The following ARSL variants were observed in gnomAD, a reference collection of about 807,000 sequenced individuals.
The protein encoded by ARSL is arylsulfatase L, also known as arylsulfatase E (chondrodysplasia punctata 1).
In ARSL, 4 loss-of-function variants were observed where a neutral mutation model predicts 31.1. The ratio of observed to expected loss-of-function variants is 0.13; its 90% CI spans 0.06 to 0.29. The LOEUF (loss-of-function observed/expected upper bound fraction) is 0.29, where lower values mean the gene tolerates loss of function less well. Ranked by LOEUF, ARSL falls within the 10% of genes least tolerant of loss-of-function variation. ARSL has a pLI of 1.00. For missense variants in ARSL, 312 were observed against 497.8 expected, an observed-to-expected ratio of 0.63 and a Z score of 3.55; for synonymous variants, 198 against 209.9, an observed-to-expected ratio of 0.94 and a Z score of 0.49.
intron 7 of ARSL, 33 bp downstream of exon 7, chrX:2,945,965 G>A (rs781283939): frequency 1.7e-6 from 2 of 1,208,792 alleles, no homozygotes; most frequent in Admixed American, 4.4e-5. Context: ...TGCTGGAAGG[G>A]AAGCAGCCCA....
At chrX:2,959,516 T>C (rs1603462390) in intron 2 of ARSL, 12 of 1,067,143 alleles carry the variant, frequency 1.1e-5, no homozygotes, top group African/African-American at 1.9e-5. Flanking sequence ...AAAGATGTAA[T>C]CTGAGTCTCC....
chrX:2,964,802 C>T (rs1474127352), upstream of ARSL, among the ~76,000 whole-genome samples: 4 of 111,414 alleles, frequency 3.6e-5, no homozygotes, highest in African/African-American at 1.3e-4. Context: ...GATGCTGTCT[C>T]TTCAAAAATA....
Position 2,934,782 on chromosome X carries a change from T to C in ARSL, c.*50A>G, listed in dbSNP as rs761662093. 8.8e-7 allele frequency: 1 copy of C among 1,134,333 alleles called. No individual in the cohort carries two copies. The highest frequency in any genetic ancestry group is 2.3e-5 in the Admixed American group (1 of 43,405). The allele number at this position is 1,134,333 out of a possible 1,213,427, so 93.5% of individuals were successfully genotyped here. A position where few individuals can be genotyped will look rare whatever the true frequency, so the allele number is the denominator to read the frequency against. On this transcript the variant is annotated 3_prime_UTR_variant, in exon 11 of 11. Transcript: ENST00000381134. ...CCATGGCCAGCTGGTTTGTTTCAAT[T>C]TGAGTGACAAAATTTAGGAATCGGG...
rs1187940227 is a variant in ARSL, at chrX:2,943,094, T to G, written c.1097A>C (p.Gln366Pro). The change falls in exon 8 of 11, where the codon CAG (glutamine) becomes CCG (proline). Residue 366 changes from glutamine to proline, a missense_variant. Gln to Pro is a moderately conservative substitution (Grantham distance 76). Transcript: ENST00000381134. ...GSLENQLGNT[Q>P]YGGWNGIYKG... ...ATAAATTCCATTCCAGCCACCATAC[T>G]GGGTGTTTCCAAGTTGATTCTCTAG... is the stretch of plus-strand genomic sequence containing the variant. The G allele has an allele frequency of 3.3e-6, 4 of 1,211,386 alleles. No individual in the cohort carries two copies.
chrX:2,961,992 T>A (rs908647216), intron 1 of ARSL, among the ~76,000 whole-genome samples: 1 of 110,114 alleles, frequency 9.1e-6, no homozygotes, highest in Non-Finnish European at 1.9e-5. Flanking sequence ...GTGATTCTCC[T>A]GCCTCAGCCT....
chrX:2,935,698 T>C (rs2089190155), intron 10 of ARSL, among the ~76,000 whole-genome samples: 1 of 106,130 alleles, frequency 9.4e-6, no homozygotes, highest in Admixed American at 1.0e-4. Context: ...TTTTCTTTTT[T>C]TTTTTTTTTA....
intron 7 of ARSL, 25 bp from the exon 8 acceptor site, chrX:2,943,224 G>C (rs377711047): frequency 1.3e-5 from 16 of 1,208,396 alleles, no homozygotes; most frequent in Non-Finnish European, 1.8e-5. Context: ...TGTTTTTGGG[G>C]CCGTCGAAAT....
rs1378703514 is a variant in ARSL at position 2,943,150 on chromosome X, G to T, written c.1041C>A (p.Leu347=). ...LDVEGLSNST[L]IYFTSDHGGS... is the part of the protein sequence containing the mutation. ...CGCCGTGATCCGACGTAAAATAAAT[G>T]AGGGTGCTGTTGCTCAAACCCTCCA... Residue 347 remains leucine, a synonymous_variant, in exon 8 of 11, where the codon CTC becomes CTA. Transcript: ENST00000381134. 4.1e-6 allele frequency: 5 copies of T among 1,209,280 alleles called. No homozygotes were observed. In the East Asian group the frequency reaches 1.5e-4, roughly 36 times the overall value.
Position 2,964,287 on chromosome X carries a change from G to A in ARSL, c.-84C>T, listed in dbSNP as rs1345494058. 1 of 752,360 alleles carries A rather than the reference G, an allele frequency of 1.3e-6. No homozygotes were observed. Among genetic ancestry groups the A allele is most frequent in the Non-Finnish European group, 1.6e-6 (1 of 639,139 alleles). 62.0% of individuals were successfully genotyped at this position (752,360 alleles called of 1,213,427 possible). On this transcript the variant is annotated 5_prime_UTR_variant, in exon 1 of 11. Coordinates refer to ENST00000381134, the MANE Select transcript of ARSL (RefSeq NM_000047.3). ...AGAGGAAGGTTCTCTCCCAAAGGAA[G>A]CAAGCGTGAAGGCAGAGAGCACTTG...
chrX:2,938,398 CTG>C (rs1555908507), intron 8 of ARSL, 141 bp from the exon 9 acceptor site: 53 of 879,157 alleles, frequency 6.0e-5, no homozygotes, highest in Non-Finnish European at 8.0e-5. Flanking sequence ...CTCTCTCTCT[CTG>C]TTTTAGTGAC....
At chrX:2,953,815 C>A (rs1339974582) in intron 4 of ARSL, among the ~76,000 whole-genome samples, 4 of 110,888 alleles carry the variant, frequency 3.6e-5, no homozygotes, top group Non-Finnish European at 5.7e-5. Flanking sequence ...AACTCCTGGG[C>A]TCAACTGATC....
chrX:2,949,614 C>T lies in ARSL; in HGVS notation c.544G>A (p.Ala182Thr), dbSNP rs376321827. The T allele has an allele frequency of 4.1e-5, 50 of 1,209,093 alleles. No homozygotes were observed. The highest frequency in any genetic ancestry group is 5.0e-5 in the Non-Finnish European group (45 of 895,085). Residue 182 changes from alanine to threonine, a missense_variant, in exon 6 of 11, where the codon GCC becomes ACC. Ala to Thr is a moderately conservative substitution (Grantham distance 58). Coordinates refer to ENST00000381134, the MANE Select transcript of ARSL (RefSeq NM_000047.3). ...GMPFSLMGDC[A>T]RWELSEKRVN... ...CGCTTCTCTGAGAGTTCCCAGCGGGCGCAATCACCCATCAAGGAGAAAGGC... is the reference window on the plus strand; with the variant it reads ...CGCTTCTCTGAGAGTTCCCAGCGGGTGCAATCACCCATCAAGGAGAAAGGC...
chrX:2,960,142 G>A (rs1292649966), intron 2 of ARSL, among the ~76,000 whole-genome samples: 10 of 87,091 alleles, frequency 1.1e-4, no homozygotes, highest in South Asian at 6.1e-4. Flanking sequence ...GGTGGCAGGC[G>A]CCTGTAGTCC....
At chrX:2,959,200 T>G (rs191639828) in intron 2 of ARSL, among the ~76,000 whole-genome samples, 2 of 111,081 alleles carry the variant, frequency 1.8e-5, no homozygotes. Context: ...TGGGGCAAGG[T>G]GAGAACACAG....
chrX:2,957,708 C>CAAAA (rs761423845), intron 3 of ARSL, among the ~76,000 whole-genome samples: 14 of 53,983 alleles, frequency 2.6e-4, no homozygotes, highest in South Asian at 8.4e-4. Context: ...GATTCTGTCT[C>CAAAA]AAAAAAAAAA....
At chrX:2,956,889 G>A (rs763282819) in intron 3 of ARSL, among the ~76,000 whole-genome samples, 1 of 110,010 alleles carries the variant, frequency 9.1e-6, no homozygotes, top group African/African-American at 3.3e-5. Flanking sequence ...TAGGATTACA[G>A]GTGCATGCCA....
rs1302702178 is a variant in ARSL at position 2,935,565 on chromosome X, T to C, written c.1412-375A>G. Among the ~76,000 whole-genome samples the C allele has an allele frequency of 5.3e-5, 6 of 112,196 alleles. No individual in the cohort carries two copies. The East Asian group carries it at 8.4e-4, about 16-fold the overall frequency. On this transcript the variant is annotated intron_variant, in intron 10 of 10. Transcript: ENST00000381134. ...GGAGAGTGACTGCTGATAGGAACAG[T>C]GTCTGCTTTTGGCGTGATGAAAATG...
chrX:2,935,688 TTTTC>T (rs756048142), intron 10 of ARSL, among the ~76,000 whole-genome samples: 26,629 of 81,282 alleles, frequency 0.33, 3,208 homozygotes, highest in East Asian at 0.61. Flanking sequence ...TTTTCTTTTC[TTTTC>T]TTTTTTTTTT....
In ARSL at chrX:2,954,520, T is replaced by C. The variant is rs754094156; in HGVS notation, c.307+896A>G. The stretch of plus-strand genomic sequence containing the variant: ...CATGTTGGTCAGGCTGGTCTTGAAC[T>C]CCTGACCTCAGGTGATCTGCCTGCC... On this transcript the variant is annotated intron_variant, in intron 4 of 10. Transcript: ENST00000381134. Among the ~76,000 whole-genome samples the C allele has an allele frequency of 1.0e-3, 114 of 112,008 alleles. 1 individual carries two copies. The highest frequency in any genetic ancestry group is 3.6e-3 in the African/African-American group (112 of 30,816).
Sources: gnomAD v4.1 joint callset for allele counts (sites outside exome capture counted in the v4.1 genomes callset) on GRCh38, gnomAD v4.1.1 for gene constraint, MANE v1.5 for transcripts, NCBI Gene and HGNC (gene_info 2026-07-23, HGNC 2026-07-21) for gene names.